Variants in LIMCH1 observed in about 807,000 individuals in gnomAD.
LIMCH1 encodes LIM and calponin homology domains-containing protein 1.
A neutral mutation model predicts 176.5 loss-of-function variants in LIMCH1; 113 were observed. The ratio of observed to expected loss-of-function variants is 0.64; its 90% CI spans 0.55 to 0.75. The LOEUF (loss-of-function observed/expected upper bound fraction) is 0.75, where lower values mean the gene tolerates loss of function less well. Among genes scored for constraint, LIMCH1 ranks in the 30% least tolerant of loss-of-function variants. The probability of loss-of-function intolerance (pLI) is 0.00; values close to 1 mark genes in which losing one functional copy is unlikely to be tolerated. For synonymous variants in LIMCH1, 619 were observed against 645.9 expected, an observed-to-expected ratio of 0.96 and a Z score of 0.63; for missense variants, 1,674 against 1,814.9, an observed-to-expected ratio of 0.92 and a Z score of 1.41.
intron 1 of LIMCH1, among the ~76,000 whole-genome samples, chr4:41,463,144 G>A (rs566610852): frequency 3.3e-5 from 5 of 149,912 alleles, no homozygotes; most frequent in African/African-American, 5.0e-5. Context: ...AGTTACACAC[G>A]TAGAGAATAA....
At chr4:41,424,020 T>C (rs1356065664) in intron 1 of LIMCH1, among the ~76,000 whole-genome samples, 2 of 152,186 alleles carry the variant, frequency 1.3e-5, no homozygotes, top group Non-Finnish European at 2.9e-5. Context: ...CCATCATTAG[T>C]GTGATTCCCT....
chr4:41,470,071 G>C (rs1054962969), intron 1 of LIMCH1, among the ~76,000 whole-genome samples: 19 of 152,252 alleles, frequency 1.2e-4, no homozygotes, highest in Admixed American at 7.2e-4. Flanking sequence ...AGTGGCCAAG[G>C]TTCTTGAAGG....
At chr4:41,524,132 C>T (rs142126639) in intron 2 of LIMCH1, among the ~76,000 whole-genome samples, 1 of 152,202 alleles carries the variant, frequency 6.6e-6, no homozygotes, top group Admixed American at 6.5e-5. Context: ...ATCCAGCTCT[C>T]CCCCTTGTCC....
intron 13 of LIMCH1, among the ~76,000 whole-genome samples, chr4:41,635,738 G>A (rs1057354385): frequency 1.3e-5 from 2 of 152,178 alleles, no homozygotes; most frequent in Non-Finnish European, 1.5e-5. Flanking sequence ...TGCTGGGGGT[G>A]ATCTTAGATG....
chr4:41,606,009 C>T lies in LIMCH1; in HGVS notation c.9+5C>T, dbSNP rs866923081. ...TTGTTGGCTCAGATGCGAAAGGTAA[C>T]TTGGCTTTTCTTCTTTATCCCATAA... On this transcript the variant is annotated splice_donor_5th_base_variant and intron_variant, in intron 4 of 31. Coordinates refer to ENST00000503057, the MANE Select transcript of LIMCH1 (RefSeq NM_001330672.2). 1 of 1,595,920 alleles carries T rather than the reference C, an allele frequency of 6.3e-7. No individual in the cohort carries two copies. The highest frequency in any genetic ancestry group is 1.1e-5 in the South Asian group (1 of 90,596).
intron 3 of LIMCH1, 181 bp downstream of exon 3, chr4:41,604,086 GGGT>G: frequency 7.7e-6 from 4 of 519,474 alleles, no homozygotes; most frequent in Non-Finnish European, 7.4e-6. Flanking sequence ...TGTTGGGCTG[GGGT>G]GGTGGTGGTT....
chr4:41,638,918 A>G lies in LIMCH1; in HGVS notation c.2091-14A>G. 1.9e-6 allele frequency: 3 copies of G among 1,608,240 alleles called. No individual in the cohort carries two copies. The highest frequency in any genetic ancestry group is 2.5e-6 in the Non-Finnish European group (3 of 1,177,064). On this transcript the variant is annotated splice_polypyrimidine_tract_variant and intron_variant, in intron 13 of 31. Coordinates refer to ENST00000503057, the MANE Select transcript of LIMCH1 (RefSeq NM_001330672.2). Reference sequence around the variant, plus strand: ...AACTCTGCCAGTCCTCTAATTTTTTATTTGATCTTATAGATACGGTCCGAG... The same window carrying G: ...AACTCTGCCAGTCCTCTAATTTTTTGTTTGATCTTATAGATACGGTCCGAG...
Position 41,682,346 on chromosome 4 carries a change from T to G in LIMCH1, c.3731T>G (p.Leu1244Arg), listed in dbSNP as rs1228750781. 9.9e-6 allele frequency: 16 copies of G among 1,610,978 alleles called. No individual in the cohort carries two copies. Among genetic ancestry groups the G allele is most frequent in the Non-Finnish European group, 1.4e-5 (16 of 1,177,706 alleles). ...TTTTCTCCTTAGAATAAGATAGACCTGGGAAACTGTCAAGATGAAAAACAA... is the reference window on the plus strand; with the variant it reads ...TTTTCTCCTTAGAATAAGATAGACCGGGGAAACTGTCAAGATGAAAAACAA... ...EGSGTMNKID[L>R]GNCQDEKQDR... Residue 1244 changes from leucine to arginine, a missense_variant, in exon 26 of 32, where the codon CTG becomes CGG. This residue lies in a region of LIMCH1 where 1,015 missense variants were observed against 1,102.5 expected (regional missense o/e 0.92). Transcript: ENST00000503057.
intron 1 of LIMCH1, among the ~76,000 whole-genome samples, chr4:41,473,920 G>A (rs978464921): frequency 2.5e-4 from 38 of 152,188 alleles, no homozygotes; most frequent in Admixed American, 1.8e-3. Flanking sequence ...GTTTACGCCT[G>A]TAATCTCAGC....
At chr4:41,637,206 G>C (rs572343941) in intron 13 of LIMCH1, among the ~76,000 whole-genome samples, 2 of 148,280 alleles carry the variant, frequency 1.3e-5, no homozygotes, top group East Asian at 3.9e-4. Context: ...TTCCTTTTCA[G>C]ACAGAGTCTC....
intron 24 of LIMCH1, among the ~76,000 whole-genome samples, chr4:41,680,554 T>A: frequency 6.6e-6 from 1 of 152,216 alleles, no homozygotes; most frequent in East Asian, 1.9e-4. Context: ...ATTTTGTTTT[T>A]TAAATGAATA....
chr4:41,449,900 C>G (rs975897563), intron 1 of LIMCH1, among the ~76,000 whole-genome samples: 32 of 152,190 alleles, frequency 2.1e-4, no homozygotes, highest in Non-Finnish European at 3.4e-4. Context: ...AGGATCTGTG[C>G]CAGGCTTCTT....
chr4:41,603,750 A>G lies in LIMCH1; in HGVS notation c.-133-125A>G, dbSNP rs2090308178. On this transcript the variant is annotated intron_variant, in intron 2 of 31. Transcript: ENST00000503057. ...AATCACAAAACTTAAGCCTTAAAAA[A>G]TAATACATTCTTCTGATTTCATTAT... The G allele has an allele frequency of 4.8e-6, 3 of 621,528 alleles. No homozygotes were observed. The East Asian group carries it at 8.2e-5, about 17-fold the overall frequency. The allele number at this position is 621,528 out of a possible 1,614,324, so 38.5% of individuals were successfully genotyped here. A position where few individuals can be genotyped will look rare whatever the true frequency, so the allele number is the denominator to read the frequency against.
intron 1 of LIMCH1, among the ~76,000 whole-genome samples, chr4:41,580,750 A>G (rs2085277833): frequency 6.6e-6 from 1 of 152,196 alleles, no homozygotes; most frequent in Admixed American, 6.5e-5. Flanking sequence ...GACCAGTAAA[A>G]TATATAAATC....
At chr4:41,689,475 A>G in intron 29 of LIMCH1, 52 bp from the exon 30 acceptor site, 1 of 936,572 alleles carries the variant, frequency 1.1e-6, no homozygotes, top group Non-Finnish European at 1.8e-6. Context: ...TGTGTGTTTG[A>G]CCAGGTATTC....
intron 1 of LIMCH1, among the ~76,000 whole-genome samples, chr4:41,377,926 A>G (rs1165631709): frequency 6.6e-6 from 1 of 151,886 alleles, no homozygotes; most frequent in Non-Finnish European, 1.5e-5. Flanking sequence ...TGACCAAATC[A>G]CCTCCCAAAG....
At chr4:41,387,350 A>C (rs1236612516) in intron 1 of LIMCH1, among the ~76,000 whole-genome samples, 1 of 152,240 alleles carries the variant, frequency 6.6e-6, no homozygotes, top group African/African-American at 2.4e-5. Context: ...TATGCTTTCT[A>C]TTTTAAAGTA....
Position 41,489,298 on chromosome 4 carries a change from T to C in LIMCH1, c.97-5238T>C, listed in dbSNP as rs1319333705. On this transcript the variant is annotated intron_variant, in intron 1 of 26. Transcript: ENST00000313860. ...TGGTTTCTTTGATTTTTCCCTATTG[T>C]TTTTCAGTTTTGTATCTGATTGATT... Among the ~76,000 whole-genome samples the C allele has an allele frequency of 2.6e-5, 4 of 152,284 alleles. No homozygotes were observed. The South Asian group carries it at 8.3e-4, about 32-fold the overall frequency.
rs2066599373 is a variant in LIMCH1, at chr4:41,469,265, T to A, written c.97-25271T>A. ...CCTCCTCTTCTGTTGATCTTGCTCC[T>A]TCTTCAGGGGAAACAGATCTGTTAC... is the stretch of plus-strand genomic sequence containing the variant. On this transcript the variant is annotated intron_variant, in intron 1 of 26. Transcript: ENST00000313860. Among the ~76,000 whole-genome samples, 8 of 152,238 alleles carry A rather than the reference T, an allele frequency of 5.3e-5. No homozygotes were observed. In the South Asian group the frequency reaches 1.7e-3, roughly 31 times the overall value.
Sources: allele counts gnomAD v4.1 joint callset (sites outside exome capture counted in the v4.1 genomes callset), GRCh38; gene constraint gnomAD v4.1.1; regional missense constraint gnomAD v4.1.1; transcripts MANE v1.5; gene names NCBI Gene and HGNC (gene_info 2026-07-23, HGNC 2026-07-21).